DYSF: variants seen among roughly 807,000 people sequenced by gnomAD.
DYSF encodes dysferlin, also known as dystrophy-associated fer-1-like 1.
In DYSF, 212 loss-of-function variants were observed where a neutral mutation model predicts 274.9. That is an observed-to-expected ratio of 0.77 (90% CI 0.69 to 0.86). The LOEUF (loss-of-function observed/expected upper bound fraction) is 0.86. Among genes scored for constraint, DYSF ranks in the 40% least tolerant of loss-of-function variants. The pLI, the probability that DYSF is intolerant of heterozygous loss-of-function variation, is 0.00. For synonymous variants in DYSF, 1,091 were observed against 1,078.7 expected (o/e 1.01, Z -0.22); for missense variants, 2,666 against 2,783.2 (o/e 0.96, Z 0.95).
At chr2:71,595,281 A>G (rs1014986282) in intron 32 of DYSF, among the ~76,000 whole-genome samples, 2 of 152,194 alleles carry the variant, frequency 1.3e-5, no homozygotes, top group Admixed American at 1.3e-4. Context: ...GCTGGAGTCT[A>G]GTTTTAATTT....
At chr2:71,529,187 G>A (rs2088353980) in intron 14 of DYSF, among the ~76,000 whole-genome samples, 1 of 152,182 alleles carries the variant, frequency 6.6e-6, no homozygotes, top group African/African-American at 2.4e-5. Flanking sequence ...GGCAGAAAAT[G>A]TGGACCTGCC....
At position 71,666,462 on chromosome 2, in the gene DYSF, CAT is replaced by C. The variant is rs774834212; in HGVS notation, c.5318-913_5318-912del. Among the ~76,000 whole-genome samples, 23 of 152,364 alleles carry C rather than the reference CAT, an allele frequency of 1.5e-4. No individual in the cohort carries two copies. In the South Asian group the frequency reaches 3.5e-3, roughly 23 times the overall value. ...GCAGGGCAGGTCTGATGGGTGAACA[CAT>C]GTGTGTGTACATATAGGTGTGCATG... On this transcript the variant is annotated intron_variant, in intron 47 of 55. Transcript: ENST00000410020.
At chr2:71,660,702 C>A in intron 45 of DYSF, 51 bp downstream of exon 45, 1 of 1,506,522 alleles carries the variant, frequency 6.6e-7, no homozygotes, top group Non-Finnish European at 9.2e-7. Flanking sequence ...ACAGGATAAC[C>A]CACAGTCTAG....
chr2:71,456,280 G>C (rs1039975750), intron 1 of DYSF, among the ~76,000 whole-genome samples: 8 of 152,084 alleles, frequency 5.3e-5, no homozygotes, highest in African/African-American at 9.7e-5. Context: ...CCCCACCCCT[G>C]GTCATCACTG....
At chr2:71,629,063 C>A (rs557154699) in intron 41 of DYSF, among the ~76,000 whole-genome samples, 1 of 152,246 alleles carries the variant, frequency 6.6e-6, no homozygotes, top group Non-Finnish European at 1.5e-5. Flanking sequence ...GTTACAGATT[C>A]CATTCTCTCA....
At position 71,623,408 on chromosome 2, in the gene DYSF, G is replaced by A. The variant is rs566091651; in HGVS notation, c.4527+2799G>A. Among the ~76,000 whole-genome samples the A allele has an allele frequency of 4.6e-4, 67 of 144,630 alleles. No individual in the cohort carries two copies. In the Middle Eastern group the frequency reaches 0.012, roughly 25 times the overall value. The allele number at this position is 144,630 out of a possible 152,430, so 94.9% of individuals were successfully genotyped here. A position where few individuals can be genotyped will look rare whatever the true frequency, so the allele number is the denominator to read the frequency against. ...ATCTCATTGTTCAATTCCCACCTAT[G>A]AGCGAGAATATGCGGTGTTTGGTTT... On this transcript the variant is annotated intron_variant, in intron 41 of 55. Transcript: ENST00000410020.
chr2:71,612,802 C>T lies in DYSF; in HGVS notation c.4383C>T (p.Gly1461=), dbSNP rs2093795517. 4 of 1,611,474 alleles carry T rather than the reference C, an allele frequency of 2.5e-6. No homozygotes were observed. The African/African-American group carries it at 5.3e-5, about 22-fold the overall frequency. The change falls in exon 39 of 56, where the codon GGC becomes GGT. Residue 1461 remains glycine (G), a synonymous_variant. Coordinates refer to ENST00000410020, the MANE Select transcript of DYSF (RefSeq NM_001130987.2). ...CGGAGAGTCCATCCCCACAGGGTGGCCCAGGTAGGGGAAGGGGAGATGATG... is the reference window on the plus strand; with the variant it reads ...CGGAGAGTCCATCCCCACAGGGTGGTCCAGGTAGGGGAAGGGGAGATGATG... The part of the protein sequence containing the change: ...YSAESPSPQG[G]PDDVSLLSPG...
At chr2:71,534,531 T>C (rs368203243) in intron 14 of DYSF, among the ~76,000 whole-genome samples, 2 of 152,320 alleles carry the variant, frequency 1.3e-5, no homozygotes, top group Admixed American at 6.5e-5. Flanking sequence ...CTGAATTTTC[T>C]TTCACTCTCT....
intron 41 of DYSF, among the ~76,000 whole-genome samples, chr2:71,637,068 G>A (rs763691903): frequency 6.6e-6 from 1 of 152,130 alleles, no homozygotes; most frequent in African/African-American, 2.4e-5. Flanking sequence ...AATAAGTGTG[G>A]ACAACTCTTT....
chr2:71,594,511 A>G (rs532254649), intron 32 of DYSF, among the ~76,000 whole-genome samples: 35 of 152,126 alleles, frequency 2.3e-4, no homozygotes, highest in Non-Finnish European at 3.7e-4. Flanking sequence ...AAAACCCACC[A>G]CTCAAAGAAC....
intron 40 of DYSF, among the ~76,000 whole-genome samples, chr2:71,613,838 T>C (rs928404978): frequency 3.9e-5 from 6 of 152,118 alleles, no homozygotes; most frequent in African/African-American, 1.4e-4. Flanking sequence ...TTCTGTGGGC[T>C]TGTGCTTGGT....
At position 71,569,942 on chromosome 2, in the gene DYSF, A is replaced by G. The variant is rs774607428; in HGVS notation, c.2979+8A>G. On this transcript the variant is annotated splice_region_variant and intron_variant, in intron 27 of 55. Coordinates refer to ENST00000410020, the MANE Select transcript of DYSF (RefSeq NM_001130987.2). ...GACAACTACACCGATGTGGTAAAGC[A>G]GGCACTCAGGGGCAGGTGGGGTCTA... 6.2e-7 allele frequency: 1 copy of G among 1,612,356 alleles called. No individual in the cohort carries two copies. Among genetic ancestry groups the G allele is most frequent in the Non-Finnish European group, 8.5e-7 (1 of 1,178,652 alleles).
At chr2:71,510,511 G>A (rs974743634) in intron 4 of DYSF, among the ~76,000 whole-genome samples, 1 of 152,196 alleles carries the variant, frequency 6.6e-6, no homozygotes, top group African/African-American at 2.4e-5. Flanking sequence ...GGGATGCTGA[G>A]CTAGCTCTTG....
intron 4 of DYSF, among the ~76,000 whole-genome samples, chr2:71,508,396 C>T (rs994136898): frequency 1.3e-5 from 2 of 152,188 alleles, no homozygotes; most frequent in South Asian, 4.1e-4. Flanking sequence ...TCCCAGTGTC[C>T]TTTGTAGCAG....
At chr2:71,659,884 C>G (rs1383225035) in intron 44 of DYSF, among the ~76,000 whole-genome samples, 2 of 152,248 alleles carry the variant, frequency 1.3e-5, no homozygotes, top group Non-Finnish European at 2.9e-5. Flanking sequence ...CCCCTCTTGT[C>G]TCCTGAGGCA....
At chr2:71,478,569 G>GC (rs879921924) in intron 1 of DYSF, among the ~76,000 whole-genome samples, 137 of 152,162 alleles carry the variant, frequency 9.0e-4, no homozygotes, top group Non-Finnish European at 1.4e-3. Flanking sequence ...TTGAACTGCT[G>GC]CCCCAAAGAA....
chr2:71,555,201 C>G (rs896613969), intron 21 of DYSF, among the ~76,000 whole-genome samples: 4 of 152,166 alleles, frequency 2.6e-5, no homozygotes, highest in Non-Finnish European at 5.9e-5. Context: ...TGCTATATAG[C>G]TCCAGTATCT....
intron 13 of DYSF, 126 bp downstream of exon 13, chr2:71,526,472 G>C (rs543904892): frequency 9.5e-6 from 13 of 1,372,636 alleles, no homozygotes; most frequent in Non-Finnish European, 1.3e-5. Context: ...AAAACAATCA[G>C]AATTTAACGA....
At chr2:71,665,553 G>T (rs2094984222) in intron 47 of DYSF, among the ~76,000 whole-genome samples, 1 of 152,172 alleles carries the variant, frequency 6.6e-6, no homozygotes, top group African/African-American at 2.4e-5. Flanking sequence ...CCAAGGCCAG[G>T]TTGGGGCCCA....
Sources: gnomAD v4.1 joint callset for allele counts (sites outside exome capture counted in the v4.1 genomes callset) on GRCh38, gnomAD v4.1.1 for gene constraint, MANE v1.5 for transcripts, NCBI Gene and HGNC (gene_info 2026-07-23, HGNC 2026-07-21) for gene names.